ASAP1: variants seen among roughly 807,000 people sequenced by gnomAD.
ASAP1 encodes the protein arf-GAP with SH3 domain, ANK repeat and PH domain-containing protein 1.
In ASAP1, 43 loss-of-function variants were observed where a neutral mutation model predicts 145.2. That is an observed-to-expected ratio of 0.30 (90% confidence interval 0.23 to 0.38). The LOEUF (loss-of-function observed/expected upper bound fraction) is 0.38, where lower values mean the gene tolerates loss of function less well. ASAP1 is among the 10% of genes least tolerant of loss of function. The pLI is 1.00. For synonymous variants in ASAP1, 546 were observed against 515.5 expected (o/e 1.06, Z -0.80); for missense variants, 1,018 against 1,355.3 (o/e 0.75, Z 3.91).
chr8:130,122,402 T>A (rs1228273274), intron 18 of ASAP1, among the ~76,000 whole-genome samples: 1 of 152,222 alleles, frequency 6.6e-6, no homozygotes, highest in African/African-American at 2.4e-5. Flanking sequence ...GTTCACTTTA[T>A]GCTTCTGGGT....
At chr8:130,265,648 G>A (rs933120593) in intron 3 of ASAP1, among the ~76,000 whole-genome samples, 21 of 152,016 alleles carry the variant, frequency 1.4e-4, no homozygotes, top group African/African-American at 3.9e-4. Context: ...ATTGAGGTGG[G>A]CAGACTGCTA....
intron 15 of ASAP1, among the ~76,000 whole-genome samples, chr8:130,129,845 AG>A (rs761284670): frequency 7.9e-5 from 12 of 152,262 alleles, no homozygotes; most frequent in Admixed American, 6.5e-4. Context: ...CCAAGAGTCT[AG>A]GAATTCATAT....
At position 130,127,917 on chromosome 8, in the gene ASAP1, G is replaced by A; in HGVS notation, c.1381+10C>T. ...GTTGTAAAAGCTCGTTCAAATATGG[G>A]GACAAAAACCTGATGAGCCACAATC... is the stretch of plus-strand genomic sequence containing the variant. On this transcript the variant is annotated intron_variant, in intron 16 of 29. Coordinates refer to ENST00000518721, the MANE Select transcript of ASAP1 (RefSeq NM_018482.4). 1 of 1,609,852 alleles carries A rather than the reference G, an allele frequency of 6.2e-7. No homozygotes were observed. The highest frequency in any genetic ancestry group is 8.5e-7 in the Non-Finnish European group (1 of 1,178,752).
intron 9 of ASAP1, among the ~76,000 whole-genome samples, chr8:130,178,184 T>C (rs1281179518): frequency 7.9e-5 from 12 of 152,248 alleles, no homozygotes; most frequent in Non-Finnish European, 1.5e-5. Flanking sequence ...GAGTATTTTA[T>C]CTAGTCCAAA....
rs73409312 is a variant in ASAP1, at chr8:130,265,443, C to T, written c.187-28449G>A. Among the ~76,000 whole-genome samples, 957 of 151,924 alleles carry T rather than the reference C, an allele frequency of 6.3e-3. 9 individuals carry two copies. Among genetic ancestry groups the T allele is most frequent in the African/African-American group, 0.022 (926 of 41,402 alleles). On this transcript the variant is annotated intron_variant, in intron 3 of 29. Coordinates refer to ENST00000518721, the MANE Select transcript of ASAP1 (RefSeq NM_018482.4). ...AAAAAAGTAACAGGGTGTGGTGGTA[C>T]ACACCTACAGTCCCAGTGACTCATG...
At chr8:130,157,048 T>C (rs916789673) in intron 12 of ASAP1, among the ~76,000 whole-genome samples, 1 of 152,238 alleles carries the variant, frequency 6.6e-6, no homozygotes, top group African/African-American at 2.4e-5. Context: ...AACACAATAT[T>C]AACTTTTCGT....
At chr8:130,103,871 T>C (rs1296498051) in intron 24 of ASAP1, among the ~76,000 whole-genome samples, 1 of 152,218 alleles carries the variant, frequency 6.6e-6, no homozygotes, top group African/African-American at 2.4e-5. Flanking sequence ...TTAGTATTGT[T>C]TTTACTGTAT....
At chr8:130,158,456 T>C (rs1440399024) in intron 12 of ASAP1, among the ~76,000 whole-genome samples, 1 of 152,066 alleles carries the variant, frequency 6.6e-6, no homozygotes, top group Non-Finnish European at 1.5e-5. Context: ...TGGGAGGTTG[T>C]AGTGAGCTGT....
Position 130,169,020 on chromosome 8 carries a change from A to C in ASAP1, c.794T>G (p.Ile265Ser). The C allele has an allele frequency of 6.3e-7, 1 of 1,576,010 alleles. No individual in the cohort carries two copies. The highest frequency in any genetic ancestry group is 8.6e-7 in the Non-Finnish European group (1 of 1,165,598). Residue 265 changes from isoleucine (I) to serine (S), a missense_variant, in exon 10 of 30, where the codon ATT becomes AGT. Around this residue, in one of 9 missense-constraint regions of ASAP1, gnomAD observed 62 missense variants for 68.5 expected, o/e 0.90. Coordinates refer to ENST00000518721, the MANE Select transcript of ASAP1 (RefSeq NM_018482.4). ...LKTADKLKQYIEKLAADLYNI... is the reference protein window; with the variant it reads ...LKTADKLKQYSEKLAADLYNI... ...ATATAAATCAGCAGCCAGTTTTTCAATGTACTGTTTCAACTTATCAGCTGT... is the reference window on the plus strand; with the variant it reads ...ATATAAATCAGCAGCCAGTTTTTCACTGTACTGTTTCAACTTATCAGCTGT...
chr8:130,067,494 C>A (rs1248167526), intron 27 of ASAP1, among the ~76,000 whole-genome samples: 1 of 152,176 alleles, frequency 6.6e-6, no homozygotes, highest in African/African-American at 2.4e-5. Flanking sequence ...CTCTTGGGTC[C>A]AAGAGATCCT....
intron 4 of ASAP1, among the ~76,000 whole-genome samples, chr8:130,233,210 C>A (rs1442872339): frequency 6.6e-6 from 1 of 152,128 alleles, no homozygotes; most frequent in African/African-American, 2.4e-5. Context: ...CAAAGTCATC[C>A]CACAGGTTAC....
chr8:130,400,775 A>C (rs1828758603), intron 2 of ASAP1, among the ~76,000 whole-genome samples: 1 of 144,884 alleles, frequency 6.9e-6, no homozygotes, highest in Non-Finnish European at 1.5e-5. Context: ...TGGGCAACAG[A>C]GCCAGACTCC....
At chr8:130,349,334 A>C (rs1246047870) in intron 3 of ASAP1, among the ~76,000 whole-genome samples, 2 of 152,328 alleles carry the variant, frequency 1.3e-5, no homozygotes, top group East Asian at 3.9e-4. Context: ...CTGACCCTTC[A>C]GAAATGAGTC....
intron 24 of ASAP1, among the ~76,000 whole-genome samples, chr8:130,108,151 G>A (rs560932996): frequency 6.6e-6 from 1 of 152,294 alleles, no homozygotes; most frequent in Admixed American, 6.5e-5. Flanking sequence ...CGCTACTTTC[G>A]TGCAGGTTAT....
At chr8:130,221,449 T>C (rs1198989812) in intron 4 of ASAP1, among the ~76,000 whole-genome samples, 1 of 152,162 alleles carries the variant, frequency 6.6e-6, no homozygotes, top group Non-Finnish European at 1.5e-5. Flanking sequence ...TCTGCATAAA[T>C]AAACCTTGTT....
chr8:130,382,103 G>A (rs997795994), intron 2 of ASAP1, among the ~76,000 whole-genome samples: 9 of 151,904 alleles, frequency 5.9e-5, no homozygotes, highest in Non-Finnish European at 1.2e-4. Context: ...TGGCTAACAC[G>A]GTGAAACCCC....
intron 27 of ASAP1, among the ~76,000 whole-genome samples, chr8:130,064,053 G>T (rs1371449866): frequency 1.3e-5 from 2 of 152,176 alleles, no homozygotes; most frequent in Non-Finnish European, 2.9e-5. Flanking sequence ...AAATGTGCAG[G>T]AGGCTTGGAC....
rs544840250 is a variant in ASAP1, at chr8:130,128,779, C to T, written c.1218-689G>A. ...AACAACAGAGAGTTGATTAACTAGG[C>T]CTGAAATAACCACAAAGTAGAACAG... is the stretch of plus-strand genomic sequence containing the variant. On this transcript the variant is annotated intron_variant, in intron 15 of 29. Transcript: ENST00000518721. Among the ~76,000 whole-genome samples the T allele has an allele frequency of 1.5e-4, 23 of 152,190 alleles. No individual in the cohort carries two copies. In the East Asian group the frequency reaches 4.2e-3, roughly 28 times the overall value.
intron 3 of ASAP1, among the ~76,000 whole-genome samples, chr8:130,253,376 C>A (rs1164297000): frequency 1.3e-5 from 2 of 152,128 alleles, no homozygotes; most frequent in Non-Finnish European, 2.9e-5. Flanking sequence ...GAGAGCAAAC[C>A]CTCAATAAAT....
Sources: allele counts gnomAD v4.1 joint callset (sites outside exome capture counted in the v4.1 genomes callset), GRCh38; gene constraint gnomAD v4.1.1; regional missense constraint gnomAD v4.1.1; transcripts MANE v1.5; gene names NCBI Gene and HGNC (gene_info 2026-07-23, HGNC 2026-07-21).